LASP1NB: variants seen among roughly 807,000 people sequenced by gnomAD.
The protein encoded by LASP1NB is LASP1 neighbor protein.
the LASP1NB span, chr17:38,926,022 T>A: frequency 1.2e-5 from 4 of 320,812 alleles, no homozygotes; most frequent in Non-Finnish European, 2.2e-5. Flanking sequence ...AATAAGACTT[T>A]AAAAATTACA....
At chr17:38,929,114 G>A in the LASP1NB span, 1 of 152,158 alleles carries the variant, frequency 6.6e-6, no homozygotes, top group East Asian at 1.9e-4. Flanking sequence ...TGTAAAATAT[G>A]ATTTTAAAAA....
At chr17:38,925,790 G>A in the LASP1NB span, 36 of 398,378 alleles carry the variant, frequency 9.0e-5, no homozygotes, top group African/African-American at 1.4e-4. Context: ...AGCTGCGGCC[G>A]GAGCCTGCTG....
At chr17:38,927,537 G>A in the LASP1NB span, 1 of 152,106 alleles carries the variant, frequency 6.6e-6, no homozygotes, top group Non-Finnish European at 1.5e-5. Flanking sequence ...CTTGAACCCG[G>A]GAGGCAGAGG....
the LASP1NB span, chr17:38,925,678 G>A: frequency 5.0e-6 from 2 of 398,474 alleles, no homozygotes; most frequent in Non-Finnish European, 8.8e-6. Flanking sequence ...GGGCTTGGTC[G>A]GCCTAGGAAT....
chr17:38,925,934 T>C, the LASP1NB span: 1 of 392,894 alleles, frequency 2.5e-6, no homozygotes, highest in Middle Eastern at 6.4e-4. Context: ...AAGAAAGAGT[T>C]TGCTTTCCTA....
At chr17:38,929,058 T>C in the LASP1NB span, 2 of 152,316 alleles carry the variant, frequency 1.3e-5, no homozygotes, top group South Asian at 2.1e-4. Flanking sequence ...ACCACTGGTA[T>C]TGGGTACAAT....
chr17:38,928,730 C>T, the LASP1NB span: 1 of 152,150 alleles, frequency 6.6e-6, no homozygotes, highest in African/African-American at 2.4e-5. Context: ...TCAGTGGAGT[C>T]CTTGATGTGA....
chr17:38,927,198 T>C, the LASP1NB span: 2 of 152,050 alleles, frequency 1.3e-5, no homozygotes, highest in Non-Finnish European at 2.9e-5. Flanking sequence ...CCCATTAGAG[T>C]TGAAGAAACT....
the LASP1NB span, chr17:38,927,577 C>G: frequency 6.6e-6 from 1 of 152,054 alleles, no homozygotes; most frequent in Non-Finnish European, 1.5e-5. Flanking sequence ...TGTCACTGCA[C>G]TCCAGCCTGG....
chr17:38,929,363 A>G, the LASP1NB span: 4 of 152,218 alleles, frequency 2.6e-5, no homozygotes, highest in Non-Finnish European at 5.9e-5. Flanking sequence ...TGTCCAATAA[A>G]ATGTCAATGA....
At chr17:38,927,314 A>G in the LASP1NB span, 1 of 152,214 alleles carries the variant, frequency 6.6e-6, no homozygotes, top group Non-Finnish European at 1.5e-5. Flanking sequence ...TTCTTGCTTA[A>G]AAGTAAACAA....
chr17:38,927,071 G>A, the LASP1NB span: 1 of 151,474 alleles, frequency 6.6e-6, no homozygotes, highest in Non-Finnish European at 1.5e-5. Flanking sequence ...TACTTATTTA[G>A]GAAAAATCTC....
At chr17:38,929,181 A>G in the LASP1NB span, 1 of 152,238 alleles carries the variant, frequency 6.6e-6, no homozygotes, top group Non-Finnish European at 1.5e-5. Flanking sequence ...TTTATGCAAC[A>G]ATATGCTAGC....
chr17:38,926,024 A>C, the LASP1NB span: 3 of 320,458 alleles, frequency 9.4e-6, no homozygotes, highest in African/African-American at 6.4e-5. Flanking sequence ...TAAGACTTTA[A>C]AAATTACAAA....
At chr17:38,928,953 C>G in the LASP1NB span, 8 of 152,088 alleles carry the variant, frequency 5.3e-5, no homozygotes, top group Non-Finnish European at 1.0e-4. Flanking sequence ...TTTGTGACAT[C>G]AAGGCTTCTC....
At chr17:38,929,011 A>G in the LASP1NB span, 8 of 152,250 alleles carry the variant, frequency 5.3e-5, no homozygotes, top group Non-Finnish European at 1.5e-5. Context: ...TCAGTGAAAA[A>G]AAATCAGCAG....
At chr17:38,927,555 G>C in the LASP1NB span, 1 of 152,122 alleles carries the variant, frequency 6.6e-6, no homozygotes, top group Non-Finnish European at 1.5e-5. Flanking sequence ...AGGTTGTAGT[G>C]AGCCGACATC....
At chr17:38,926,821 C>G in the LASP1NB span, 1 of 152,190 alleles carries the variant, frequency 6.6e-6, no homozygotes, top group Non-Finnish European at 1.5e-5. Flanking sequence ...AGTTGTCCAT[C>G]TTCATCTATG....
chr17:38,928,651 G>C, the LASP1NB span: 1 of 152,172 alleles, frequency 6.6e-6, no homozygotes, highest in African/African-American at 2.4e-5. Flanking sequence ...GTAGCAAAAA[G>C]ATAGGTAATC....
Sources: gnomAD v4.1 joint callset for allele counts on GRCh38, gnomAD v4.1.1 for gene constraint, MANE v1.5 for transcripts, NCBI Gene and HGNC (gene_info 2026-07-23, HGNC 2026-07-21) for gene names.